Variants in WDR13 observed in about 807,000 individuals in gnomAD.
WDR13 encodes WD repeat domain 13, also known as WD repeat-containing protein 13.
WDR13 carries 1 observed loss-of-function variant against 28.6 expected under a neutral mutation model. That is an observed-to-expected ratio of 0.03 (90% CI 0.01 to 0.17). The LOEUF (loss-of-function observed/expected upper bound fraction) is 0.17, where lower values mean the gene tolerates loss of function less well. WDR13 is among the 10% of genes least tolerant of loss of function. The pLI is 1.00. For missense variants in WDR13, 264 were observed against 469.3 expected, an observed-to-expected ratio of 0.56 and a Z score of 4.04; for synonymous variants, 201 against 185.9, an observed-to-expected ratio of 1.08 and a Z score of -0.66.
chrX:48,600,680 C>T lies in WDR13; in HGVS notation c.831+54C>T, dbSNP rs781866201. 323 of 1,157,609 alleles carry T rather than the reference C, an allele frequency of 2.8e-4. 3 individuals are homozygous for T. In the East Asian group the frequency reaches 9.8e-3, roughly 35 times the overall value. On this transcript the variant is annotated intron_variant, in intron 6 of 9. Coordinates refer to ENST00000376729, the MANE Select transcript of WDR13 (RefSeq NM_001347217.2). The stretch of plus-strand genomic sequence containing the variant: ...GGGCTGGTGGGCTGGGTCAGGAAGG[C>T]TATCTGAGGGAATCAGAGTATAAGG...
At chrX:48,600,150 G>A in intron 5 of WDR13, 169 bp from the exon 6 acceptor site, 2 of 483,130 alleles carry the variant, frequency 4.1e-6, no homozygotes, top group Non-Finnish European at 6.7e-6. Flanking sequence ...TTTGGCAGAG[G>A]GTCTTCAGGG....
At chrX:48,598,250 G>A in intron 2 of WDR13, 1 of 1,088,510 alleles carries the variant, frequency 9.2e-7, no homozygotes, top group Non-Finnish European at 1.2e-6. Context: ...GGTCAGATGT[G>A]GGCATGCGCA....
In WDR13 at chrX:48,597,966, G is replaced by A. The variant is rs1255074146; in HGVS notation, c.-31G>A. 4 of 1,163,006 alleles carry A rather than the reference G, an allele frequency of 3.4e-6. No individual in the cohort carries two copies. The African/African-American group carries it at 7.2e-5, about 21-fold the overall frequency. ...AGGCCCTTGTCCTGCAGGCTGCCGC[G>A]GGCGGACACGCCAGAGGAGGAGGCC... On this transcript the variant is annotated 5_prime_UTR_variant, in exon 2 of 10. Transcript: ENST00000376729.
At chrX:48,600,715 C>G (rs2062178662) in intron 6 of WDR13, 89 bp downstream of exon 6, 1 of 1,057,719 alleles carries the variant, frequency 9.5e-7, no homozygotes, top group Non-Finnish European at 1.3e-6. Flanking sequence ...GAGGGACAGC[C>G]AGGGGGGGCC....
In WDR13 at chrX:48,598,704, C is replaced by T; in HGVS notation, c.42-13C>T. 2 of 1,039,683 alleles carry T rather than the reference C, an allele frequency of 1.9e-6. No individual in the cohort carries two copies. The highest frequency in any genetic ancestry group is 4.0e-5 in the African/African-American group (2 of 49,580). 85.7% of individuals were successfully genotyped at this position (1,039,683 alleles called of 1,213,427 possible). ...CCTGTGCCTGCTGCCTGCCCTGCAT[C>T]CTGACCCTGCAGGTACAACGCGTAC... On this transcript the variant is annotated splice_polypyrimidine_tract_variant and intron_variant, in intron 2 of 9. Coordinates refer to ENST00000376729, the MANE Select transcript of WDR13 (RefSeq NM_001347217.2).
rs2062233557 is a variant in WDR13, at chrX:48,608,238, C to T, written c.*3206C>T. On this transcript the variant is annotated 3_prime_UTR_variant, in exon 10 of 10. Coordinates refer to ENST00000376729, the MANE Select transcript of WDR13 (RefSeq NM_001347217.2). ...TCCCAGGCTCAAGCGGTCCTGCTGCCTCATCCTCCAAAGTAGCTGGGACCA... is the reference window on the plus strand; with the variant it reads ...TCCCAGGCTCAAGCGGTCCTGCTGCTTCATCCTCCAAAGTAGCTGGGACCA... 9.1e-6 allele frequency: 1 copy of T among 109,338 alleles called. No individual in the cohort carries two copies. Among genetic ancestry groups the T allele is most frequent in the African/African-American group, 3.4e-5 (1 of 29,809 alleles). 9.0% of individuals were successfully genotyped at this position (109,338 alleles called of 1,213,427 possible).
In WDR13 at chrX:48,605,800, G is replaced by A. The variant is rs2062217879; in HGVS notation, c.*768G>A. ...GCTGGTCTTGAACTCCTGGGCTCAA[G>A]CGATCCACTCGCCTCAGCCTCCCAA... is the stretch of plus-strand genomic sequence containing the variant. On this transcript the variant is annotated 3_prime_UTR_variant, in exon 10 of 10. Transcript: ENST00000376729. 9.0e-6 allele frequency: 1 copy of A among 111,020 alleles called. No individual in the cohort carries two copies. The highest frequency in any genetic ancestry group is 3.3e-5 in the African/African-American group (1 of 30,524). 9.1% of individuals were successfully genotyped at this position (111,020 alleles called of 1,213,427 possible).
intron 1 of WDR13, 140 bp downstream of exon 1, chrX:48,597,754 G>T: frequency 2.5e-6 from 1 of 398,605 alleles, no homozygotes; most frequent in Non-Finnish European, 4.1e-6. Flanking sequence ...GAGGGGCGGT[G>T]TCTGTTCTGA....
chrX:48,600,700 A>G, intron 6 of WDR13, 74 bp downstream of exon 6: 1 of 1,117,436 alleles, frequency 8.9e-7, no homozygotes, highest in Non-Finnish European at 1.2e-6. Context: ...GAATCAGAGT[A>G]TAAGGAGGGA....
At chrX:48,599,014 A>C in intron 3 of WDR13, 57 bp downstream of exon 3, 2 of 1,152,229 alleles carry the variant, frequency 1.7e-6, no homozygotes, top group Non-Finnish European at 2.3e-6. Flanking sequence ...CATTCACTCC[A>C]CTGACTTTCA....
At position 48,605,139 on chromosome X, in the gene WDR13, C is replaced by A; in HGVS notation, c.*107C>A. On this transcript the variant is annotated 3_prime_UTR_variant, in exon 10 of 10. Coordinates refer to ENST00000376729, the MANE Select transcript of WDR13 (RefSeq NM_001347217.2). Reference sequence around the variant, plus strand: ...GCTGAGGGCCGGCTCCCAGCTCTGCCGGGGACGGACAGGGCAGAGGGCAGC... The same window carrying A: ...GCTGAGGGCCGGCTCCCAGCTCTGCAGGGGACGGACAGGGCAGAGGGCAGC... The A allele has an allele frequency of 2.0e-6, 2 of 1,013,200 alleles. No individual in the cohort carries two copies. Among genetic ancestry groups the A allele is most frequent in the Non-Finnish European group, 2.6e-6 (2 of 757,347 alleles). 83.5% of individuals were successfully genotyped at this position (1,013,200 alleles called of 1,213,427 possible).
chrX:48,601,682 T>C (rs1602147037), intron 6 of WDR13, 102 bp from the exon 7 acceptor site: 1 of 870,071 alleles, frequency 1.1e-6, no homozygotes, highest in Non-Finnish European at 1.6e-6. Flanking sequence ...GAATAGACTC[T>C]AATAGGGACC....
chrX:48,607,366 T>C lies in WDR13; in HGVS notation c.*2334T>C, dbSNP rs782820270. ...GGTTTTTTTTGTTGTTGTTGTTGTTTTGGTTTTTTTTTGGCGGGGGGGGGG... is the reference window on the plus strand; with the variant it reads ...GGTTTTTTTTGTTGTTGTTGTTGTTCTGGTTTTTTTTTGGCGGGGGGGGGG... On this transcript the variant is annotated 3_prime_UTR_variant, in exon 10 of 10. Transcript: ENST00000376729. The C allele has an allele frequency of 3.9e-5, 3 of 76,653 alleles. No individual in the cohort carries two copies. Among genetic ancestry groups the C allele is most frequent in the East Asian group, 5.0e-4 (1 of 1,993 alleles). 6.3% of individuals were successfully genotyped at this position (76,653 alleles called of 1,213,427 possible).
intron 2 of WDR13, 179 bp from the exon 3 acceptor site, chrX:48,598,538 A>G (rs2062158919): frequency 1.9e-6 from 2 of 1,063,957 alleles, no homozygotes; most frequent in South Asian, 2.6e-5. Context: ...GCTCATTATT[A>G]CTGCAGACTC....
chrX:48,597,862 A>T, intron 1 of WDR13, 96 bp from the exon 2 acceptor site: 1 of 1,035,647 alleles, frequency 9.7e-7, no homozygotes, highest in Non-Finnish European at 1.3e-6. Context: ...TCCGGCGCGG[A>T]GGGACTCGAT....
At chrX:48,598,657 C>T in intron 2 of WDR13, 60 bp from the exon 3 acceptor site, 5 of 776,128 alleles carry the variant, frequency 6.4e-6, no homozygotes, top group African/African-American at 2.3e-5. Flanking sequence ...CCCCCCCCCC[C>T]GAGCTGATTG....
At position 48,608,408 on chromosome X, in the gene WDR13, A is replaced by T. The variant is rs1368511364; in HGVS notation, c.*3376A>T. On this transcript the variant is annotated 3_prime_UTR_variant, in exon 10 of 10. Transcript: ENST00000376729. ...TGGCGTTACAGGTGTGAGCCACCAC[A>T]CCCGGCCCGAGTGAGCCATTCTTAT... 1 of 111,445 alleles carries T rather than the reference A, an allele frequency of 9.0e-6. No individual in the cohort carries two copies. The highest frequency in any genetic ancestry group is 3.3e-5 in the African/African-American group (1 of 30,645). The allele number at this position is 111,445 out of a possible 1,213,427, so 9.2% of individuals were successfully genotyped here.
In WDR13 at chrX:48,604,874, C is replaced by T. The variant is rs782703286; in HGVS notation, c.1300C>T (p.His434Tyr). 3.6e-5 allele frequency: 43 copies of T among 1,209,250 alleles called. No homozygotes were observed. Among genetic ancestry groups the T allele is most frequent in the Non-Finnish European group, 4.8e-5 (43 of 894,233 alleles). The change falls in exon 10 of 10, where the codon CAC becomes TAC. Residue 434 changes from histidine (H) to tyrosine (Y), a missense_variant. His to Tyr is a moderately conservative substitution (Grantham distance 83). Transcript: ENST00000376729. ...VVTGSEDMCV[H>Y]FFDVERAAKA... ...GACGGGCAGTGAGGACATGTGCGTG[C>T]ACTTCTTTGATGTGGAGCGGGCGGC... is the stretch of plus-strand genomic sequence containing the variant.
chrX:48,604,515 C>A, intron 9 of WDR13, 125 bp downstream of exon 9: 1 of 550,681 alleles, frequency 1.8e-6, no homozygotes, highest in South Asian at 3.1e-5. Flanking sequence ...ACCCCTCCTG[C>A]CCCAACAGCC....
Sources: gnomAD v4.1 joint callset for allele counts on GRCh38, gnomAD v4.1.1 for gene constraint, MANE v1.5 for transcripts, NCBI Gene and HGNC (gene_info 2026-07-23, HGNC 2026-07-21) for gene names.